Variants in NYAP2 observed in about 807,000 individuals in gnomAD.
The protein encoded by NYAP2 is neuronal tyrosine-phosphorylated phosphoinositide-3-kinase adapter 2.
A neutral mutation model predicts 50.4 loss-of-function variants in NYAP2; 23 were observed. The ratio of observed to expected loss-of-function variants is 0.46; its 90% confidence interval spans 0.33 to 0.65. The LOEUF is 0.65. NYAP2 is among the 30% of genes least tolerant of loss of function. The pLI is 0.02. For missense variants in NYAP2, 885 were observed against 861.0 expected, an observed-to-expected ratio of 1.03 and a Z score of -0.35; for synonymous variants, 394 against 365.2, an observed-to-expected ratio of 1.08 and a Z score of -0.90.
intron 6 of NYAP2, among the ~76,000 whole-genome samples, chr2:225,633,596 G>C (rs1176205480): frequency 2.0e-5 from 3 of 152,126 alleles, no homozygotes; most frequent in Non-Finnish European, 4.4e-5. Flanking sequence ...ACATTTGTTA[G>C]AAGCATTGCT....
At chr2:225,446,307 T>C (rs1173284012) in intron 3 of NYAP2, among the ~76,000 whole-genome samples, 1 of 147,098 alleles carries the variant, frequency 6.8e-6, no homozygotes, top group African/African-American at 2.5e-5. Flanking sequence ...AGAAAATGAA[T>C]ATTAGCTGTT....
At chr2:225,454,673 C>A (rs1243957270) in intron 3 of NYAP2, among the ~76,000 whole-genome samples, 5 of 152,096 alleles carry the variant, frequency 3.3e-5, no homozygotes, top group African/African-American at 4.8e-5. Flanking sequence ...GAGCATGAAC[C>A]CTATTGTGAA....
intron 5 of NYAP2, among the ~76,000 whole-genome samples, chr2:225,608,494 A>G (rs1202846006): frequency 6.6e-6 from 1 of 152,156 alleles, no homozygotes; most frequent in Non-Finnish European, 1.5e-5. Flanking sequence ...CCTGCCACTT[A>G]AAACATTCAA....
chr2:225,580,766 T>TA (rs895245214), intron 4 of NYAP2, among the ~76,000 whole-genome samples: 74 of 143,240 alleles, frequency 5.2e-4, no homozygotes, highest in Admixed American at 2.0e-3. Flanking sequence ...TTAGGCCAGT[T>TA]AAAAAAAAAA....
chr2:225,455,554 A>G (rs915865548), intron 3 of NYAP2, among the ~76,000 whole-genome samples: 2 of 152,230 alleles, frequency 1.3e-5, no homozygotes, highest in Non-Finnish European at 2.9e-5. Context: ...GACTCAGTGT[A>G]AAATGGAAAT....
chr2:225,485,128 A>T (rs1574638196), intron 3 of NYAP2, among the ~76,000 whole-genome samples: 1 of 152,162 alleles, frequency 6.6e-6, no homozygotes, highest in Non-Finnish European at 1.5e-5. Context: ...GGTGGAGATA[A>T]TTGAATCATG....
chr2:225,513,415 G>C lies in NYAP2; in HGVS notation c.266G>C (p.Gly89Ala), dbSNP rs1246786805. ...CGAGGCCACGAAGGAAGTTACGTGG[G>C]CAAACATTTCCGCATGGGATTCATG... is the stretch of plus-strand genomic sequence containing the variant. The change falls in exon 4 of 7, where the codon GGC becomes GCC. Residue 89 changes from glycine (G) to alanine (A), a missense_variant. Gly to Ala is a moderately conservative substitution (Grantham distance 60, BLOSUM62 0). Transcript: ENST00000636099. 3.1e-6 allele frequency: 5 copies of C among 1,613,984 alleles called. No homozygotes were observed. The Admixed American group carries it at 6.7e-5, about 22-fold the overall frequency.
chr2:225,574,125 G>A (rs1219646873), intron 4 of NYAP2, among the ~76,000 whole-genome samples: 3 of 152,182 alleles, frequency 2.0e-5, no homozygotes, highest in African/African-American at 7.2e-5. Flanking sequence ...ACGCCCATGT[G>A]CAATGAGGCA....
At chr2:225,487,329 C>G (rs1054498908) in intron 3 of NYAP2, among the ~76,000 whole-genome samples, 25 of 152,018 alleles carry the variant, frequency 1.6e-4, no homozygotes, top group Non-Finnish European at 2.9e-5. Flanking sequence ...CCTCGAGCCT[C>G]CTTTCTCATT....
intron 3 of NYAP2, among the ~76,000 whole-genome samples, chr2:225,462,942 A>G (rs1016251977): frequency 4.6e-5 from 7 of 152,206 alleles, no homozygotes; most frequent in Admixed American, 6.5e-5. Flanking sequence ...TCTATGTACT[A>G]ATGATCTGTA....
chr2:225,583,582 A>G (rs1315658383), intron 5 of NYAP2, among the ~76,000 whole-genome samples: 1 of 151,984 alleles, frequency 6.6e-6, no homozygotes, highest in Non-Finnish European at 1.5e-5. Context: ...AAAGTACAAA[A>G]TCTAAGTTCT....
chr2:225,436,455 T>C (rs1245790820), intron 3 of NYAP2, among the ~76,000 whole-genome samples: 3 of 152,192 alleles, frequency 2.0e-5, no homozygotes, highest in Non-Finnish European at 4.4e-5. Context: ...CATCTTTACC[T>C]GGCATTTTCC....
At chr2:225,669,847 G>T in the NYAP2 span, among the ~76,000 whole-genome samples, 1 of 152,084 alleles carries the variant, frequency 6.6e-6, no homozygotes, top group African/African-American at 2.4e-5. Context: ...ATGTGCAAAG[G>T]GCAAGAAGGT....
chr2:225,514,094 T>C (rs1690882763), intron 4 of NYAP2, among the ~76,000 whole-genome samples: 1 of 152,228 alleles, frequency 6.6e-6, no homozygotes. Flanking sequence ...TTCCAATGAA[T>C]ATGAATTTAT....
chr2:225,508,159 G>T (rs573996336), intron 3 of NYAP2, among the ~76,000 whole-genome samples: 1 of 152,264 alleles, frequency 6.6e-6, no homozygotes, highest in South Asian at 2.1e-4. Context: ...TTAAATTCAG[G>T]ATTATGAAAC....
chr2:225,454,388 G>A (rs193104303), intron 3 of NYAP2, among the ~76,000 whole-genome samples: 1 of 152,238 alleles, frequency 6.6e-6, no homozygotes, highest in Admixed American at 6.5e-5. Context: ...ATAGATTACT[G>A]TCAATAAATC....
chr2:225,464,441 T>A (rs1176076604), intron 3 of NYAP2, among the ~76,000 whole-genome samples: 4 of 152,042 alleles, frequency 2.6e-5, no homozygotes, highest in Admixed American at 2.0e-4. Flanking sequence ...TAGGTAGACA[T>A]CTCTGGATCA....
the NYAP2 span, among the ~76,000 whole-genome samples, chr2:225,673,060 G>C: frequency 1.3e-5 from 2 of 151,968 alleles, no homozygotes; most frequent in African/African-American, 4.8e-5. Flanking sequence ...GCATGGCTGA[G>C]GAGGCCTCAC....
chr2:225,489,615 C>G (rs888285486), intron 3 of NYAP2, among the ~76,000 whole-genome samples: 5 of 152,172 alleles, frequency 3.3e-5, no homozygotes, highest in African/African-American at 1.2e-4. Context: ...AGAGAGGAAA[C>G]AAGTACCAGC....
Sources: allele counts gnomAD v4.1 joint callset (sites outside exome capture counted in the v4.1 genomes callset), GRCh38; gene constraint gnomAD v4.1.1; transcripts MANE v1.5; gene names NCBI Gene and HGNC (gene_info 2026-07-23, HGNC 2026-07-21).